Variants in ASTN1 observed in about 807,000 individuals in gnomAD.
ASTN1 encodes astrotactin 1.
In ASTN1, 41 loss-of-function variants were observed where a neutral mutation model predicts 140.7. That is an observed-to-expected ratio of 0.29 (90% CI 0.23 to 0.38). The LOEUF (loss-of-function observed/expected upper bound fraction) is 0.38, where lower values mean the gene tolerates loss of function less well. Among genes scored for constraint, ASTN1 ranks in the 10% least tolerant of loss-of-function variants. The pLI, the probability that ASTN1 is intolerant of heterozygous loss-of-function variation, is 1.00. For missense variants in ASTN1, 1,479 were observed against 1,678.8 expected, an observed-to-expected ratio of 0.88 and a Z score of 2.08; for synonymous variants, 640 against 652.2, an observed-to-expected ratio of 0.98 and a Z score of 0.29.
chr1:177,149,187 T>C (rs1423164934), intron 1 of ASTN1, among the ~76,000 whole-genome samples: 8 of 120,082 alleles, frequency 6.7e-5, no homozygotes, highest in Admixed American at 2.1e-4. Flanking sequence ...ATAGTGTATA[T>C]ATATAGTAAA....
intron 7 of ASTN1, among the ~76,000 whole-genome samples, chr1:177,020,933 T>C (rs1675791406): frequency 6.6e-6 from 1 of 152,208 alleles, no homozygotes; most frequent in South Asian, 2.1e-4. Flanking sequence ...GACCCCTCAG[T>C]ATGGCTGGGA....
At chr1:176,989,787 T>G (rs568071566) in intron 8 of ASTN1, among the ~76,000 whole-genome samples, 1 of 152,240 alleles carries the variant, frequency 6.6e-6, no homozygotes, top group East Asian at 1.9e-4. Context: ...TTAGAAAACA[T>G]TTCATAATGT....
intron 2 of ASTN1, among the ~76,000 whole-genome samples, chr1:177,044,803 C>T (rs986606361): frequency 6.6e-6 from 1 of 152,170 alleles, no homozygotes; most frequent in African/African-American, 2.4e-5. Flanking sequence ...GGGGTCATTC[C>T]CAGCCAATCT....
intron 5 of ASTN1, among the ~76,000 whole-genome samples, chr1:177,026,166 G>C (rs1676100535): frequency 6.6e-6 from 1 of 152,184 alleles, no homozygotes; most frequent in South Asian, 2.1e-4. Flanking sequence ...GGAAAGGAGA[G>C]ACTTGAGGGC....
chr1:177,134,904 G>T (rs1682113714), intron 1 of ASTN1, among the ~76,000 whole-genome samples: 1 of 152,128 alleles, frequency 6.6e-6, no homozygotes, highest in Non-Finnish European at 1.5e-5. Context: ...TTATAACAAT[G>T]ACCTGAAAAA....
chr1:177,092,041 T>C (rs1679780503), intron 1 of ASTN1, among the ~76,000 whole-genome samples: 1 of 152,200 alleles, frequency 6.6e-6, no homozygotes, highest in Non-Finnish European at 1.5e-5. Context: ...CTGGGTCATA[T>C]GGTAATTCTA....
At chr1:176,971,864 C>T (rs1038705808) in intron 8 of ASTN1, among the ~76,000 whole-genome samples, 1 of 152,118 alleles carries the variant, frequency 6.6e-6, no homozygotes, top group Non-Finnish European at 1.5e-5. Context: ...AATTATATGA[C>T]CTCAGATAAG....
At position 176,883,002 on chromosome 1, in the gene ASTN1, G is replaced by C. The variant is rs1668873616; in HGVS notation, c.3227-8C>G. The C allele has an allele frequency of 1.9e-6, 3 of 1,614,032 alleles. No individual in the cohort carries two copies. The highest frequency in any genetic ancestry group is 2.5e-6 in the Non-Finnish European group (3 of 1,179,948). On this transcript the variant is annotated splice_polypyrimidine_tract_variant and splice_region_variant and intron_variant, in intron 19 of 22. Coordinates refer to ENST00000361833, the MANE Select transcript of ASTN1 (RefSeq NM_004319.3). ...CAAAGCTCAGCACTGTTTCTGCCCA[G>C]AGGAGAAGGAATGGAAAAAGCATGA...
chr1:176,966,771 A>T (rs560474004), intron 8 of ASTN1, among the ~76,000 whole-genome samples: 1 of 151,938 alleles, frequency 6.6e-6, no homozygotes, highest in Admixed American at 6.6e-5. Flanking sequence ...TATTTATTTT[A>T]TTGTAATGGA....
At chr1:176,968,291 A>G (rs1672973251) in intron 8 of ASTN1, among the ~76,000 whole-genome samples, 1 of 152,268 alleles carries the variant, frequency 6.6e-6, no homozygotes, top group Non-Finnish European at 1.5e-5. Context: ...TTGATCAATT[A>G]CATGCATCAA....
At chr1:176,958,244 T>C (rs1672502689) in intron 10 of ASTN1, 101 bp downstream of exon 10, 2 of 1,567,558 alleles carry the variant, frequency 1.3e-6, no homozygotes, top group Non-Finnish European at 1.7e-6. Context: ...TTTTTCCTTT[T>C]AGCTTGTTGG....
At chr1:177,029,811 A>G in intron 4 of ASTN1, 70 bp from the exon 5 acceptor site, 1 of 1,400,370 alleles carries the variant, frequency 7.1e-7, no homozygotes, top group Non-Finnish European at 9.8e-7. Context: ...CCTTTGGGCA[A>G]GTTCAATGGG....
At chr1:177,054,965 GC>G (rs1677727438) in intron 2 of ASTN1, among the ~76,000 whole-genome samples, 1 of 152,156 alleles carries the variant, frequency 6.6e-6, no homozygotes, top group African/African-American at 2.4e-5. Context: ...GTGAAAATCT[GC>G]CCTTTGAATA....
intron 8 of ASTN1, among the ~76,000 whole-genome samples, chr1:176,968,653 C>T (rs977459151): frequency 6.6e-6 from 1 of 152,110 alleles, no homozygotes; most frequent in East Asian, 1.9e-4. Context: ...CCCTCTAGTC[C>T]GGAATGATCT....
chr1:177,112,337 C>T (rs1680861008), intron 1 of ASTN1, among the ~76,000 whole-genome samples: 1 of 152,216 alleles, frequency 6.6e-6, no homozygotes, highest in African/African-American at 2.4e-5. Flanking sequence ...ATGTTGAAGG[C>T]ACACAAGCCA....
At chr1:177,115,453 C>T (rs989039378) in intron 1 of ASTN1, among the ~76,000 whole-genome samples, 2 of 151,976 alleles carry the variant, frequency 1.3e-5, no homozygotes, top group African/African-American at 4.8e-5. Context: ...AGGTGGATCA[C>T]CTGAGGTCAG....
chr1:177,082,898 T>C (rs998889110), intron 1 of ASTN1, among the ~76,000 whole-genome samples: 4 of 152,212 alleles, frequency 2.6e-5, no homozygotes, highest in Non-Finnish European at 4.4e-5. Context: ...TACCCACTCA[T>C]TTCCTTATCA....
downstream of ASTN1, among the ~76,000 whole-genome samples, chr1:176,859,567 C>A (rs1667904923): frequency 6.6e-6 from 1 of 152,152 alleles, no homozygotes; most frequent in African/African-American, 2.4e-5. Flanking sequence ...GGTGGATCAC[C>A]TGAGGTCAGG....
At chr1:177,033,123 C>CTG (rs10603141) in intron 2 of ASTN1, among the ~76,000 whole-genome samples, 16,383 of 146,224 alleles carry the variant, frequency 0.11, 935 homozygotes, top group East Asian at 0.2. Context: ...AGAAACAAGT[C>CTG]TGTGTGTGTG....
Sources: allele counts gnomAD v4.1 joint callset (sites outside exome capture counted in the v4.1 genomes callset), GRCh38; gene constraint gnomAD v4.1.1; transcripts MANE v1.5; gene names NCBI Gene and HGNC (gene_info 2026-07-23, HGNC 2026-07-21).